The following PSD3 variants were observed in gnomAD, a reference collection of about 807,000 sequenced individuals.
PSD3 encodes the protein pleckstrin and Sec7 domain containing 3.
A neutral mutation model predicts 105.5 loss-of-function variants in PSD3; 49 were observed. The ratio of observed to expected loss-of-function variants is 0.46; its 90% CI spans 0.37 to 0.59. The LOEUF (loss-of-function observed/expected upper bound fraction) is 0.59, where lower values mean the gene tolerates loss of function less well. Among genes scored for constraint, PSD3 ranks in the 20% least tolerant of loss-of-function variants. The probability of loss-of-function intolerance (pLI) is 0.00; values close to 1 mark genes in which losing one functional copy is unlikely to be tolerated. For synonymous variants in PSD3, 557 were observed against 457.8 expected (o/e 1.22, Z -2.77); for missense variants, 1,561 against 1,263.8 (o/e 1.24, Z -3.57).
chr8:18,582,450 C>A (rs1010881284), intron 12 of PSD3, among the ~76,000 whole-genome samples: 2 of 152,152 alleles, frequency 1.3e-5, no homozygotes, highest in Non-Finnish European at 2.9e-5. Context: ...GGCTCCTCCT[C>A]CTTTCTCTTC....
intron 1 of PSD3, among the ~76,000 whole-genome samples, chr8:19,073,290 C>A (rs1480217088): frequency 6.6e-6 from 1 of 152,058 alleles, no homozygotes; most frequent in Non-Finnish European, 1.5e-5. Context: ...GTGGCTCACA[C>A]CTGTAATCCC....
At chr8:18,663,732 TGTAGA>T (rs1280840020) in intron 9 of PSD3, among the ~76,000 whole-genome samples, 6 of 152,224 alleles carry the variant, frequency 3.9e-5, no homozygotes, top group African/African-American at 1.2e-4. Context: ...CTAAGTTCTT[TGTAGA>T]GTAAAGGTTT....
At chr8:19,075,910 G>A (rs556240512) in intron 1 of PSD3, among the ~76,000 whole-genome samples, 3 of 152,316 alleles carry the variant, frequency 2.0e-5, no homozygotes, top group East Asian at 1.9e-4. Context: ...TAACTTACAC[G>A]TAATCAACAA....
At chr8:18,628,698 T>A (rs1006936185) in intron 11 of PSD3, among the ~76,000 whole-genome samples, 6 of 151,936 alleles carry the variant, frequency 3.9e-5, no homozygotes, top group African/African-American at 1.4e-4. Context: ...ATAAGGGGAA[T>A]TAACTTGCTA....
intron 9 of PSD3, among the ~76,000 whole-genome samples, chr8:18,754,118 TCA>T (rs1805827464): frequency 6.6e-6 from 1 of 152,182 alleles, no homozygotes; most frequent in Non-Finnish European, 1.5e-5. Context: ...GTGCGGTGGC[TCA>T]CGCCTGTAAT....
intron 15 of PSD3, among the ~76,000 whole-genome samples, chr8:18,536,372 A>G (rs972348325): frequency 1.3e-5 from 2 of 152,108 alleles, no homozygotes; most frequent in Non-Finnish European, 2.9e-5. Flanking sequence ...CAGGCCTCAC[A>G]AGAAACTGGC....
At chr8:18,642,112 T>C (rs1014756146) in intron 10 of PSD3, among the ~76,000 whole-genome samples, 1 of 152,188 alleles carries the variant, frequency 6.6e-6, no homozygotes, top group East Asian at 1.9e-4. Context: ...GGCTAGTAAC[T>C]TGGCTTTCTA....
At chr8:18,750,508 C>A (rs1421697426) in intron 9 of PSD3, among the ~76,000 whole-genome samples, 1 of 151,954 alleles carries the variant, frequency 6.6e-6, no homozygotes, top group Non-Finnish European at 1.5e-5. Context: ...CAGCGTGGAC[C>A]CAAAGAGTGA....
At chr8:18,868,996 T>C (rs1425732804) in intron 3 of PSD3, among the ~76,000 whole-genome samples, 4 of 152,136 alleles carry the variant, frequency 2.6e-5, no homozygotes, top group Non-Finnish European at 5.9e-5. Flanking sequence ...TCATAAGTCA[T>C]CCACATTCCC....
At chr8:19,049,409 G>A (rs993097300) in intron 1 of PSD3, among the ~76,000 whole-genome samples, 1 of 152,142 alleles carries the variant, frequency 6.6e-6, no homozygotes, top group South Asian at 2.1e-4. Flanking sequence ...AGGATGATGT[G>A]CCAGGCACAG....
intron 2 of PSD3, among the ~76,000 whole-genome samples, chr8:18,874,847 A>C (rs1410014222): frequency 1.3e-5 from 2 of 152,194 alleles, no homozygotes; most frequent in African/African-American, 4.8e-5. Flanking sequence ...CCAGTGTGTT[A>C]AATAGCAATA....
chr8:18,968,867 A>C (rs11784452), intron 1 of PSD3, among the ~76,000 whole-genome samples: 49,542 of 128,600 alleles, frequency 0.39, 8,747 homozygotes, highest in Non-Finnish European at 0.43. Context: ...CAGAGCAAAA[A>C]AAAAATGTCT....
At chr8:18,934,814 C>T (rs986680701) in intron 2 of PSD3, among the ~76,000 whole-genome samples, 4 of 152,154 alleles carry the variant, frequency 2.6e-5, no homozygotes, top group African/African-American at 9.7e-5. Context: ...CATGCAATAG[C>T]CTTTTCCAAT....
At chr8:18,970,784 GTC>G (rs1486545358) in intron 1 of PSD3, among the ~76,000 whole-genome samples, 17 of 151,980 alleles carry the variant, frequency 1.1e-4, no homozygotes, top group Non-Finnish European at 2.5e-4. Context: ...GTGAAACCCT[GTC>G]TCTACTAAAA....
intron 12 of PSD3, among the ~76,000 whole-genome samples, chr8:18,575,634 A>C (rs1272354200): frequency 1.3e-5 from 2 of 152,192 alleles, no homozygotes; most frequent in Non-Finnish European, 2.9e-5. Flanking sequence ...ACTTGGACCA[A>C]TAGTGTGATT....
In PSD3 at chr8:18,614,027, G is replaced by A. The variant is rs1195763382; in HGVS notation, c.2411-13593C>T. Among the ~76,000 whole-genome samples the A allele has an allele frequency of 2.0e-5, 3 of 152,182 alleles. No homozygotes were observed. The East Asian group carries it at 5.8e-4, about 29-fold the overall frequency. ...CACAATTTGGCTTACAGCCAAATCT[G>A]TGTCTCCTGAATTATAATTCCTAAG... On this transcript the variant is annotated intron_variant, in intron 11 of 15. Transcript: ENST00000327040.
chr8:18,641,225 C>A (rs915607475), intron 10 of PSD3, among the ~76,000 whole-genome samples: 1 of 152,164 alleles, frequency 6.6e-6, no homozygotes, highest in Non-Finnish European at 1.5e-5. Context: ...CACCTTACAA[C>A]CAGCCTAGAA....
intron 1 of PSD3, among the ~76,000 whole-genome samples, chr8:19,080,571 G>A (rs1429406911): frequency 1.3e-5 from 2 of 152,150 alleles, no homozygotes; most frequent in African/African-American, 4.8e-5. Context: ...TTAGGTAAAT[G>A]AATGATGTCC....
At chr8:18,960,630 G>A (rs905665135) in intron 1 of PSD3, among the ~76,000 whole-genome samples, 2 of 152,196 alleles carry the variant, frequency 1.3e-5, no homozygotes, top group African/African-American at 4.8e-5. Flanking sequence ...ATGGGAAGTA[G>A]TAAGTCATTT....
Sources: allele counts gnomAD v4.1 joint callset (sites outside exome capture counted in the v4.1 genomes callset), GRCh38; gene constraint gnomAD v4.1.1; transcripts MANE v1.5; gene names NCBI Gene and HGNC (gene_info 2026-07-23, HGNC 2026-07-21).